EPHA6: variants seen among roughly 807,000 people sequenced by gnomAD.
EPHA6 encodes the protein EPH receptor A6, also known as ephrin type-A receptor 6.
In EPHA6, 50 loss-of-function variants were observed where a neutral mutation model predicts 112.0. The observed-to-expected ratio is 0.45, with a 90% CI of 0.36 to 0.56. The LOEUF is 0.56. EPHA6 is among the 20% of genes least tolerant of loss of function. The pLI, the probability that EPHA6 is intolerant of heterozygous loss-of-function variation, is 0.00. For missense variants in EPHA6, 1,280 were observed against 1,417.4 expected (o/e 0.90, Z 1.56); for synonymous variants, 529 against 490.7 (o/e 1.08, Z -1.03).
chr3:96,952,945 G>C (rs1045735112), intron 2 of EPHA6, among the ~76,000 whole-genome samples: 1 of 152,042 alleles, frequency 6.6e-6, no homozygotes, highest in Non-Finnish European at 1.5e-5. Context: ...GAAATAATCT[G>C]TTCAACAAAC....
At chr3:97,017,589 G>A (rs1395776788) in intron 3 of EPHA6, among the ~76,000 whole-genome samples, 1 of 152,080 alleles carries the variant, frequency 6.6e-6, no homozygotes, top group Non-Finnish European at 1.5e-5. Flanking sequence ...CTCACAGCCA[G>A]TGGACTTATG....
chr3:97,661,377 C>T (rs886863512), intron 14 of EPHA6, among the ~76,000 whole-genome samples: 6 of 152,244 alleles, frequency 3.9e-5, no homozygotes, highest in African/African-American at 1.4e-4. Flanking sequence ...GCTTTGAACA[C>T]TGCAGAAATC....
At chr3:97,347,242 T>C (rs762355867) in intron 5 of EPHA6, among the ~76,000 whole-genome samples, 6 of 152,100 alleles carry the variant, frequency 3.9e-5, no homozygotes, top group Non-Finnish European at 8.8e-5. Flanking sequence ...ATAATTTACT[T>C]CACTTTATCC....
At chr3:97,047,591 T>G in intron 3 of EPHA6, among the ~76,000 whole-genome samples, 1 of 151,490 alleles carries the variant, frequency 6.6e-6, no homozygotes, top group South Asian at 2.1e-4. Context: ...ATTATGTGCC[T>G]GAAGTCTGGA....
intron 5 of EPHA6, among the ~76,000 whole-genome samples, chr3:97,343,916 C>T (rs1387304575): frequency 6.6e-6 from 1 of 152,114 alleles, no homozygotes; most frequent in Non-Finnish European, 1.5e-5. Context: ...GAGGATTGTT[C>T]TTGAGCCTTA....
intron 3 of EPHA6, among the ~76,000 whole-genome samples, chr3:97,103,915 ATG>A (rs2047484765): frequency 6.6e-6 from 1 of 151,880 alleles, no homozygotes; most frequent in Non-Finnish European, 1.5e-5. Flanking sequence ...GTAATTGTGA[ATG>A]TGTTTTAATT....
intron 16 of EPHA6, among the ~76,000 whole-genome samples, chr3:97,739,240 C>T (rs1209920931): frequency 2.6e-5 from 4 of 152,082 alleles, no homozygotes; most frequent in South Asian, 2.1e-4. Flanking sequence ...GTATAATCCA[C>T]TGCAACTCTT....
At chr3:97,057,958 A>G (rs887595645) in intron 3 of EPHA6, among the ~76,000 whole-genome samples, 19 of 152,230 alleles carry the variant, frequency 1.2e-4, no homozygotes, top group African/African-American at 4.3e-4. Flanking sequence ...TATATGTTGC[A>G]TTCTCATTTT....
intron 2 of EPHA6, among the ~76,000 whole-genome samples, chr3:96,910,878 A>G (rs1242892434): frequency 3.3e-5 from 5 of 151,998 alleles, no homozygotes; most frequent in Non-Finnish European, 4.4e-5. Context: ...TGTATGTATA[A>G]TTTCTGTCCC....
At chr3:96,963,018 G>T (rs2107757080) in intron 2 of EPHA6, among the ~76,000 whole-genome samples, 2 of 152,192 alleles carry the variant, frequency 1.3e-5, no homozygotes, top group South Asian at 4.1e-4. Context: ...GCTGGGCATA[G>T]TGGCATGTGC....
rs542764854 is a variant in EPHA6, at chr3:97,260,886, G to T, written c.1606+16599G>T. On this transcript the variant is annotated intron_variant, in intron 5 of 17. Coordinates refer to ENST00000389672, the MANE Select transcript of EPHA6 (RefSeq NM_001080448.3). The stretch of plus-strand genomic sequence containing the variant: ...ACAGCATTTAGGAACTGAAATCATT[G>T]GCACAGGAATTTAAATGAAGAGTGA... 2.5e-3 allele frequency among the ~76,000 whole-genome samples: 387 copies of T among 152,264 alleles called. 1 individual carries two copies. Among genetic ancestry groups the T allele is most frequent in the Non-Finnish European group, 4.6e-3 (316 of 68,016 alleles).
intron 4 of EPHA6, among the ~76,000 whole-genome samples, chr3:97,237,848 A>C (rs2108569109): frequency 6.6e-6 from 1 of 152,062 alleles, no homozygotes; most frequent in East Asian, 1.9e-4. Flanking sequence ...CCATGGTATT[A>C]GGGAAACTGG....
rs538922214 is a variant in EPHA6 at position 97,586,370 on chromosome 3, T to C, written c.2387-6242T>C. Among the ~76,000 whole-genome samples the C allele has an allele frequency of 8.6e-4, 131 of 152,302 alleles. 1 individual carries two copies. The highest frequency in any genetic ancestry group is 2.5e-3 in the African/African-American group (105 of 41,576). Reference sequence around the variant, plus strand: ...AGATGCATTTTTCCAATGCTTTACATTAAATGTTTCTTATTGTCATTGGTC... The same window carrying C: ...AGATGCATTTTTCCAATGCTTTACACTAAATGTTTCTTATTGTCATTGGTC... On this transcript the variant is annotated intron_variant, in intron 11 of 17. Transcript: ENST00000389672.
chr3:97,479,923 T>C (rs1352869343), intron 9 of EPHA6, among the ~76,000 whole-genome samples: 1 of 152,012 alleles, frequency 6.6e-6, no homozygotes, highest in Non-Finnish European at 1.5e-5. Flanking sequence ...TGACAACTTC[T>C]CCTCCTCAAC....
chr3:97,544,681 T>C (rs1190109390), intron 11 of EPHA6, among the ~76,000 whole-genome samples: 2 of 152,232 alleles, frequency 1.3e-5, no homozygotes, highest in Admixed American at 6.5e-5. Context: ...AGCTCCTCTT[T>C]GTACCTCTGG....
intron 5 of EPHA6, among the ~76,000 whole-genome samples, chr3:97,351,019 A>C (rs1171120790): frequency 6.6e-6 from 1 of 152,156 alleles, no homozygotes; most frequent in African/African-American, 2.4e-5. Flanking sequence ...TCAACTTGCC[A>C]TCCATTCTTT....
chr3:96,872,257 C>G (rs1576198753), intron 2 of EPHA6, among the ~76,000 whole-genome samples: 1 of 152,150 alleles, frequency 6.6e-6, no homozygotes, highest in East Asian at 1.9e-4. Flanking sequence ...GAGACCATTC[C>G]TTTCAGGGGC....
chr3:96,815,176 G>T (rs1484856480), intron 1 of EPHA6, among the ~76,000 whole-genome samples, 168 bp downstream of exon 1: 1 of 152,062 alleles, frequency 6.6e-6, no homozygotes, highest in Non-Finnish European at 1.5e-5. Flanking sequence ...TGTTTACACC[G>T]CCCGGGACGG....
At chr3:97,537,209 A>T (rs1420395582) in intron 11 of EPHA6, among the ~76,000 whole-genome samples, 1 of 152,190 alleles carries the variant, frequency 6.6e-6, no homozygotes, top group African/African-American at 2.4e-5. Flanking sequence ...TATACATTGT[A>T]TGGGGTAAAA....
Sources: allele counts gnomAD v4.1 joint callset (sites outside exome capture counted in the v4.1 genomes callset), GRCh38; gene constraint gnomAD v4.1.1; transcripts MANE v1.5; gene names NCBI Gene and HGNC (gene_info 2026-07-23, HGNC 2026-07-21).